MDGA1: variants seen among roughly 807,000 people sequenced by gnomAD.
The protein encoded by MDGA1 is MAM domain containing glycosylphosphatidylinositol anchor 1.
In MDGA1, 54 loss-of-function variants were observed where a neutral mutation model predicts 101.5. That is an observed-to-expected ratio of 0.53 (90% CI 0.43 to 0.67). The LOEUF is 0.67. MDGA1 is among the 30% of genes least tolerant of loss of function. MDGA1 has a pLI of 0.00. For synonymous variants in MDGA1, 533 were observed against 558.3 expected (o/e 0.95, Z 0.64); for missense variants, 1,083 against 1,323.8 (o/e 0.82, Z 2.82).
intron 1 of MDGA1, among the ~76,000 whole-genome samples, chr6:37,680,706 G>A (rs905420851): frequency 2.6e-5 from 4 of 152,316 alleles, no homozygotes. Flanking sequence ...CTGCACCAGC[G>A]CTTTTCAAAG....
At chr6:37,656,062 G>A (rs976270539) in intron 3 of MDGA1, among the ~76,000 whole-genome samples, 166 bp from the exon 4 acceptor site, 1 of 147,642 alleles carries the variant, frequency 6.8e-6, no homozygotes, top group Non-Finnish European at 1.5e-5. Context: ...TAGAGGCAGG[G>A]GATAGGACTT....
chr6:37,649,845 C>A (rs940322377), intron 8 of MDGA1: 4 of 671,044 alleles, frequency 6.0e-6, no homozygotes, highest in Non-Finnish European at 1.1e-5. Flanking sequence ...TTCAAAATCC[C>A]ATTTCCACCT....
chr6:37,658,112 C>A, intron 3 of MDGA1, 133 bp downstream of exon 3: 1 of 1,039,582 alleles, frequency 9.6e-7, no homozygotes, highest in Non-Finnish European at 1.3e-6. Context: ...CCTGGTACCT[C>A]TTAGGCTCCT....
At chr6:37,639,446 CT>C (rs1282563214) in intron 14 of MDGA1, 1 of 152,424 alleles carries the variant, frequency 6.6e-6, no homozygotes, top group African/African-American at 2.4e-5. Context: ...ATGTTACCCC[CT>C]CTGCTCAGTC....
chr6:37,663,922 G>A, intron 2 of MDGA1, 45 bp downstream of exon 2: 1 of 1,609,010 alleles, frequency 6.2e-7, no homozygotes, highest in Non-Finnish European at 8.5e-7. Context: ...GCCTAGGCAA[G>A]GTGAGGGTAG....
At chr6:37,642,147 G>GTA (rs35308269) in intron 14 of MDGA1, among the ~76,000 whole-genome samples, 51,727 of 135,100 alleles carry the variant, frequency 0.38, 10,370 homozygotes, top group Non-Finnish European at 0.46. Flanking sequence ...TTATATATAT[G>GTA]TATATATATA....
At position 37,655,681 on chromosome 6, in the gene MDGA1, G is replaced by A; in HGVS notation, c.579+19C>T. ...ATGCAGGAGAAGTGGTATGGGGCGAGCCAGCTGCCCATCCTGACCTGAGTG... is the reference window on the plus strand; with the variant it reads ...ATGCAGGAGAAGTGGTATGGGGCGAACCAGCTGCCCATCCTGACCTGAGTG... On this transcript the variant is annotated intron_variant, in intron 4 of 16. Transcript: ENST00000434837. This position sits in a 1 kb window ranked among gnomAD's most constrained non-coding sequence, Gnocchi z 5.1. 2.0e-5 allele frequency: 31 copies of A among 1,585,526 alleles called. No homozygotes were observed. Among genetic ancestry groups the A allele is most frequent in the South Asian group, 3.5e-5 (3 of 86,276 alleles).
At chr6:37,675,785 A>G (rs1289273920) in intron 1 of MDGA1, among the ~76,000 whole-genome samples, 2 of 152,178 alleles carry the variant, frequency 1.3e-5, no homozygotes, top group African/African-American at 2.4e-5. Flanking sequence ...CCCAGAAAGG[A>G]AAGTTCTAGC....
At chr6:37,646,128 T>C in intron 11 of MDGA1, 70 bp downstream of exon 11, 1 of 1,551,652 alleles carries the variant, frequency 6.4e-7, no homozygotes, top group East Asian at 2.3e-5. Context: ...AGGAACCACA[T>C]GAGGATGGTG....
chr6:37,656,801 G>A (rs528560603), intron 3 of MDGA1, among the ~76,000 whole-genome samples: 1 of 152,304 alleles, frequency 6.6e-6, no homozygotes, highest in African/African-American at 2.4e-5. Flanking sequence ...TCAAATCCTA[G>A]TTTAGCTGTT....
In MDGA1 at chr6:37,655,759, C is replaced by T. The variant is rs368622840; in HGVS notation, c.520G>A (p.Asp174Asn). ...TTGTCCTGGCTGTGGGATAGGGTATCGGAACCCCGCTTCCAGATGAAGCGG... is the reference window on the plus strand; with the variant it reads ...TTGTCCTGGCTGTGGGATAGGGTATTGGAACCCCGCTTCCAGATGAAGCGG... Reference protein sequence around the residue: ...PARFIWKRGSDTLSHSQDNGV... With the variant: ...PARFIWKRGSNTLSHSQDNGV... The change falls in exon 4 of 17, where the codon GAT becomes AAT. Residue 174 changes from aspartate (D) to asparagine (N), a missense_variant. Physicochemically the swap from Asp to Asn is conservative, Grantham distance 23. Around this residue, in one of 3 missense-constraint regions of MDGA1, gnomAD observed 310 missense variants for 355.9 expected, o/e 0.87. Coordinates refer to ENST00000434837, the MANE Select transcript of MDGA1 (RefSeq NM_153487.4). This position sits in a 1 kb window ranked among gnomAD's most constrained non-coding sequence, Gnocchi z 5.1. 9.9e-6 allele frequency: 16 copies of T among 1,612,994 alleles called. No homozygotes were observed. Among genetic ancestry groups the T allele is most frequent in the Admixed American group, 3.3e-5 (2 of 59,908 alleles).
At chr6:37,651,827 C>A (rs935686628) in intron 7 of MDGA1, among the ~76,000 whole-genome samples, 184 bp downstream of exon 7, 1 of 152,230 alleles carries the variant, frequency 6.6e-6, no homozygotes, top group Non-Finnish European at 1.5e-5. Flanking sequence ...GCCCACCGCT[C>A]TACCCCAGGA....
intron 1 of MDGA1, among the ~76,000 whole-genome samples, chr6:37,672,316 G>T (rs991075124): frequency 6.6e-6 from 1 of 151,756 alleles, no homozygotes; most frequent in South Asian, 2.1e-4. Flanking sequence ...AGCTGGGCAT[G>T]GTGCCACATG....
chr6:37,664,842 GACACACACACACACACACACACACAC>G (rs35594367), intron 1 of MDGA1, among the ~76,000 whole-genome samples: 3,235 of 55,252 alleles, frequency 0.059, 82 homozygotes, highest in African/African-American at 0.12. Flanking sequence ...CCTAACCTAA[GACACACACACACACACACACACACAC>G]ACACACACAC....
At chr6:37,649,873 T>A in intron 8 of MDGA1, 1 of 700,972 alleles carries the variant, frequency 1.4e-6, no homozygotes, top group Non-Finnish European at 2.6e-6. Context: ...TCAAGTAATT[T>A]TTTTTTTGTT....
chr6:37,671,093 T>A (rs1235967462), intron 1 of MDGA1, among the ~76,000 whole-genome samples: 1 of 152,168 alleles, frequency 6.6e-6, no homozygotes, highest in Non-Finnish European at 1.5e-5. Flanking sequence ...CTGATTTCTA[T>A]CAACAAAACC....
chr6:37,682,667 G>A (rs563099889), intron 1 of MDGA1, among the ~76,000 whole-genome samples: 1 of 152,268 alleles, frequency 6.6e-6, no homozygotes, highest in South Asian at 2.1e-4. Context: ...TTTGCCCTAA[G>A]ATTCCCGCTG....
intron 1 of MDGA1, among the ~76,000 whole-genome samples, chr6:37,676,372 A>G (rs1434786376): frequency 1.3e-5 from 2 of 152,270 alleles, no homozygotes; most frequent in African/African-American, 4.8e-5. Flanking sequence ...AAGCCCAGTG[A>G]GGCAAAGGGA....
At chr6:37,688,163 C>A (rs1308236614) in intron 1 of MDGA1, among the ~76,000 whole-genome samples, 1 of 152,240 alleles carries the variant, frequency 6.6e-6, no homozygotes, top group Non-Finnish European at 1.5e-5. Flanking sequence ...GGGAAGAAGA[C>A]ATCTGTTTTG....
Sources: allele counts gnomAD v4.1 joint callset (sites outside exome capture counted in the v4.1 genomes callset), GRCh38; gene constraint gnomAD v4.1.1; regional missense constraint gnomAD v4.1.1; non-coding constraint Gnocchi (gnomAD v3.1); transcripts MANE v1.5; gene names NCBI Gene and HGNC (gene_info 2026-07-23, HGNC 2026-07-21).